The following ADAMTS9 variants were observed in gnomAD, a reference collection of about 807,000 sequenced individuals.
The protein encoded by ADAMTS9 is A disintegrin and metalloproteinase with thrombospondin motifs 9.
Under a neutral mutation model 257.1 loss-of-function variants are expected in ADAMTS9, and 107 were observed. The ratio of observed to expected loss-of-function variants is 0.42; its 90% CI spans 0.36 to 0.49. The LOEUF (loss-of-function observed/expected upper bound fraction) is 0.49. Among genes scored for constraint, ADAMTS9 ranks in the 20% least tolerant of loss-of-function variants. The pLI is 0.03. For missense variants in ADAMTS9, 2,353 were observed against 2,469.1 expected, an observed-to-expected ratio of 0.95 and a Z score of 1.00; for synonymous variants, 982 against 880.9, an observed-to-expected ratio of 1.11 and a Z score of -2.03.
chr3:64,648,987 A>C (rs1700865121), intron 10 of ADAMTS9, among the ~76,000 whole-genome samples: 1 of 152,174 alleles, frequency 6.6e-6, no homozygotes. Flanking sequence ...CACTCCCAGC[A>C]AAAGAAACAC....
At chr3:64,633,903 GCA>G (rs1471595375) in intron 12 of ADAMTS9, 24 bp from the exon 13 acceptor site, 1 of 1,588,358 alleles carries the variant, frequency 6.3e-7, no homozygotes, top group East Asian at 2.2e-5. Flanking sequence ...AATGTGAAGA[GCA>G]CACACACTGT....
intron 29 of ADAMTS9, among the ~76,000 whole-genome samples, chr3:64,567,812 C>T (rs1015809389): frequency 6.6e-6 from 1 of 151,912 alleles, no homozygotes; most frequent in African/African-American, 2.4e-5. Context: ...TGCATTAAAT[C>T]GTCATAAGAG....
At chr3:64,684,821 C>T (rs1701853246) in intron 2 of ADAMTS9, 1 of 152,170 alleles carries the variant, frequency 6.6e-6, no homozygotes, top group Non-Finnish European at 1.5e-5. Flanking sequence ...GGCCACTAGG[C>T]TTCAGCGGGT....
chr3:64,645,349 A>C (rs1700761991), intron 11 of ADAMTS9, among the ~76,000 whole-genome samples: 1 of 152,240 alleles, frequency 6.6e-6, no homozygotes, highest in Admixed American at 6.5e-5. Context: ...TAAAAGGAAA[A>C]TGCTAATGGA....
At position 64,649,731 on chromosome 3, in the gene ADAMTS9, T is replaced by C; in HGVS notation, c.1511A>G (p.Tyr504Cys). The C allele has an allele frequency of 6.2e-7, 1 of 1,613,900 alleles. No individual in the cohort carries two copies. Among genetic ancestry groups the C allele is most frequent in the Non-Finnish European group, 8.5e-7 (1 of 1,179,940 alleles). Reference sequence around the variant, plus strand: ...GCCTGGCAGTTGGACAGGCAAAGGGTAGGGTCTGGATTCAGGTTCGTTAAG... The same window carrying C: ...GCCTGGCAGTTGGACAGGCAAAGGGCAGGGTCTGGATTCAGGTTCGTTAAG... ...CLLNEPESRP[Y>C]PLPVQLPGIL... Residue 504 changes from tyrosine to cysteine, a missense_variant, in exon 10 of 40, where the codon TAC (tyrosine) becomes TGC (cysteine). Transcript: ENST00000498707.
At chr3:64,632,312 CTGTATCTAATTAAAGAGCTCA>C (rs1210142957) in intron 14 of ADAMTS9, among the ~76,000 whole-genome samples, 1 of 152,108 alleles carries the variant, frequency 6.6e-6, no homozygotes, top group Non-Finnish European at 1.5e-5. Flanking sequence ...TAGGTAAGAA[CTGTATCTAATTAAAGAGCTCA>C]TGCCCCATCT....
At position 64,541,241 on chromosome 3, in the gene ADAMTS9, G is replaced by C; in HGVS notation, c.5388-13C>G. On this transcript the variant is annotated splice_polypyrimidine_tract_variant and intron_variant, in intron 35 of 39. Transcript: ENST00000498707. ...TGGGTTGTGTAACCTAAATTATACAGAGAATGTTCTGGTAAGGATGGGAAA... is the reference window on the plus strand; with the variant it reads ...TGGGTTGTGTAACCTAAATTATACACAGAATGTTCTGGTAAGGATGGGAAA... 1 of 1,614,168 alleles carries C rather than the reference G, an allele frequency of 6.2e-7. No individual in the cohort carries two copies. Among genetic ancestry groups the C allele is most frequent in the South Asian group, 1.1e-5 (1 of 91,084 alleles).
chr3:64,616,287 A>G, intron 19 of ADAMTS9, 117 bp from the exon 20 acceptor site: 1 of 1,096,616 alleles, frequency 9.1e-7, no homozygotes, highest in Non-Finnish European at 1.3e-6. Flanking sequence ...CTCGAATACC[A>G]TGAAGCCCAA....
intron 6 of ADAMTS9, 74 bp downstream of exon 6, chr3:64,655,502 A>G (rs968868561): frequency 3.2e-6 from 4 of 1,246,932 alleles, no homozygotes; most frequent in Non-Finnish European, 4.7e-6. Context: ...GCAGCTGACT[A>G]TTAGGAATGC....
Position 64,621,242 on chromosome 3 carries a change from TA to T in ADAMTS9, c.2687-3del. 1.2e-6 allele frequency: 2 copies of T among 1,610,212 alleles called. No individual in the cohort carries two copies. The highest frequency in any genetic ancestry group is 4.5e-5 in the East Asian group (2 of 44,732). Reference sequence around the variant, plus strand: ...AAACAAGTTTTCGTTTCCGTTCCCCTAAGCAGAAAGGGAAAAAAAATTATTC... The same window carrying T: ...AAACAAGTTTTCGTTTCCGTTCCCCTAGCAGAAAGGGAAAAAAAATTATTC... On this transcript the variant is annotated splice_region_variant and splice_polypyrimidine_tract_variant and intron_variant, in intron 18 of 39. Transcript: ENST00000498707.
chr3:64,544,822 C>T (rs1479588459), intron 32 of ADAMTS9, among the ~76,000 whole-genome samples: 2 of 152,158 alleles, frequency 1.3e-5, no homozygotes, highest in African/African-American at 2.4e-5. Context: ...TCAGAGTGAA[C>T]AGGCAACCTA....
chr3:64,516,028 G>C lies in ADAMTS9; in HGVS notation c.*1099C>G, dbSNP rs533338307. 1 of 152,214 alleles carries C rather than the reference G, an allele frequency of 6.6e-6. No individual in the cohort carries two copies. The highest frequency in any genetic ancestry group is 6.5e-5 in the Admixed American group (1 of 15,292). The allele number at this position is 152,214 out of a possible 1,614,324, so 9.4% of individuals were successfully genotyped here. On this transcript the variant is annotated 3_prime_UTR_variant, in exon 40 of 40. Coordinates refer to ENST00000498707, the MANE Select transcript of ADAMTS9 (RefSeq NM_182920.2). ...TCACACAAACGTCCATTACTGCAGC[G>C]GGCATGAAAACCGGCAGGGTGTTAG... is the stretch of plus-strand genomic sequence containing the variant.
At chr3:64,603,244 G>T (rs9864390) in intron 25 of ADAMTS9, among the ~76,000 whole-genome samples, 3 of 151,878 alleles carry the variant, frequency 2.0e-5, no homozygotes, top group Admixed American at 1.3e-4. Flanking sequence ...GGTTTTTACA[G>T]AGCTCTGTTT....
intron 16 of ADAMTS9, among the ~76,000 whole-genome samples, chr3:64,622,819 C>T (rs1336996112): frequency 6.6e-6 from 1 of 152,138 alleles, no homozygotes; most frequent in African/African-American, 2.4e-5. Flanking sequence ...AAAGCACCTA[C>T]TCCCTTGTGG....
At chr3:64,651,468 G>C (rs1379693546) in intron 8 of ADAMTS9, among the ~76,000 whole-genome samples, 1 of 152,222 alleles carries the variant, frequency 6.6e-6, no homozygotes, top group African/African-American at 2.4e-5. Flanking sequence ...ATATGCTGTA[G>C]TTGGTGCTAG....
intron 12 of ADAMTS9, among the ~76,000 whole-genome samples, chr3:64,639,871 G>A (rs1700596159): frequency 6.6e-6 from 1 of 151,982 alleles, no homozygotes; most frequent in Admixed American, 6.6e-5. Context: ...TATATTATGT[G>A]GTACTTATTT....
At chr3:64,621,909 G>A (rs2106863985) in intron 18 of ADAMTS9, among the ~76,000 whole-genome samples, 1 of 152,182 alleles carries the variant, frequency 6.6e-6, no homozygotes, top group Non-Finnish European at 1.5e-5. Context: ...CATATGCTAT[G>A]ACTACTAAAA....
chr3:64,681,246 G>C lies in ADAMTS9; in HGVS notation c.634C>G (p.Pro212Ala). Residue 212 changes from proline to alanine, a missense_variant, in exon 3 of 40, where the codon CCC becomes GCC. Transcript: ENST00000498707. ...CTTCCTGTTGAGGGCTCTCTCTGGG[G>C]GGCGCTGCGCCTATAAATGATGTGG... ...KPHIIYRRSA[P>A]QREPSTGRHA... 6.2e-7 allele frequency: 1 copy of C among 1,613,868 alleles called. No individual in the cohort carries two copies. The highest frequency in any genetic ancestry group is 8.5e-7 in the Non-Finnish European group (1 of 1,179,880).
chr3:64,547,005 C>G (rs2083209350), intron 31 of ADAMTS9, 53 bp from the exon 32 acceptor site: 2 of 1,511,024 alleles, frequency 1.3e-6, no homozygotes, highest in Admixed American at 1.8e-5. Context: ...GGGGGCAGCC[C>G]ACAATAGGCC....
Sources: allele counts gnomAD v4.1 joint callset (sites outside exome capture counted in the v4.1 genomes callset), GRCh38; gene constraint gnomAD v4.1.1; transcripts MANE v1.5; gene names NCBI Gene and HGNC (gene_info 2026-07-23, HGNC 2026-07-21).